TMEM232: variants seen among roughly 807,000 people sequenced by gnomAD.
TMEM232 encodes transmembrane protein 232.
A neutral mutation model predicts 78.8 loss-of-function variants in TMEM232; 80 were observed. The ratio of observed to expected loss-of-function variants is 1.01; its 90% CI spans 0.85 to 1.22. The LOEUF (loss-of-function observed/expected upper bound fraction) is 1.22. Ranked by LOEUF, TMEM232 falls within the 50% of genes most tolerant of loss-of-function variation. The probability of loss-of-function intolerance (pLI) is 0.00; values close to 1 mark genes in which losing one functional copy is unlikely to be tolerated. For synonymous variants in TMEM232, 297 were observed against 254.3 expected, an observed-to-expected ratio of 1.17 and a Z score of -1.60; for missense variants, 881 against 742.2, an observed-to-expected ratio of 1.19 and a Z score of -2.17.
chr5:110,601,633 A>G (rs1457764904), intron 10 of TMEM232, among the ~76,000 whole-genome samples: 1 of 152,198 alleles, frequency 6.6e-6, no homozygotes, highest in Non-Finnish European at 1.5e-5. Flanking sequence ...CCACTGCTCA[A>G]GGAAATAAGA....
At chr5:110,642,003 T>C (rs890585870) in intron 3 of TMEM232, among the ~76,000 whole-genome samples, 13 of 152,254 alleles carry the variant, frequency 8.5e-5, no homozygotes, top group African/African-American at 3.1e-4. Context: ...ATAATTTTCA[T>C]AATCAAAAAT....
At chr5:110,658,259 T>C (rs1310757700) in intron 2 of TMEM232, among the ~76,000 whole-genome samples, 1 of 152,186 alleles carries the variant, frequency 6.6e-6, no homozygotes, top group African/African-American at 2.4e-5. Flanking sequence ...ACATTATAGA[T>C]ATCCAAAGGC....
chr5:110,388,416 A>C (rs1755059987), intron 4 of TMEM232, among the ~76,000 whole-genome samples: 1 of 152,132 alleles, frequency 6.6e-6, no homozygotes, highest in Non-Finnish European at 1.5e-5. Flanking sequence ...TCGCCTGTAC[A>C]AGCTTCCAGT....
intron 1 of TMEM232, among the ~76,000 whole-genome samples, chr5:110,717,358 C>T (rs1439642396): frequency 6.6e-6 from 1 of 152,100 alleles, no homozygotes. Context: ...ACGCCATTTA[C>T]TCTGTTGCTA....
chr5:110,593,970 CATTTTAAAAT>C (rs200756503), intron 10 of TMEM232, among the ~76,000 whole-genome samples: 5,170 of 152,104 alleles, frequency 0.034, 129 homozygotes, highest in African/African-American at 0.066. Context: ...CAAAAGTTGA[CATTTTAAAAT>C]TTTTTAAAAA....
At chr5:110,667,480 G>C (rs1321637184) in intron 1 of TMEM232, 116 bp from the exon 2 acceptor site, 2 of 743,610 alleles carry the variant, frequency 2.7e-6, no homozygotes, top group Non-Finnish European at 4.0e-6. Flanking sequence ...TTAGGCTTAA[G>C]AATAATTCTA....
intron 2 of TMEM232, among the ~76,000 whole-genome samples, chr5:110,401,697 C>A (rs1241364176): frequency 6.6e-6 from 1 of 152,044 alleles, no homozygotes; most frequent in Non-Finnish European, 1.5e-5. Flanking sequence ...AGGTCAAGAG[C>A]AGAATGTATA....
intron 10 of TMEM232, among the ~76,000 whole-genome samples, chr5:110,586,212 T>C (rs1778801764): frequency 6.6e-6 from 1 of 152,150 alleles, no homozygotes; most frequent in South Asian, 2.1e-4. Flanking sequence ...ATTTCCAAAA[T>C]TTCACTTTTA....
intron 10 of TMEM232, among the ~76,000 whole-genome samples, chr5:110,602,207 A>T (rs1781001472): frequency 6.6e-6 from 1 of 152,154 alleles, no homozygotes; most frequent in South Asian, 2.1e-4. Context: ...AAGAAAACCT[A>T]AGCAATACCA....
chr5:110,667,985 A>G (rs1580587031), intron 1 of TMEM232, among the ~76,000 whole-genome samples: 1 of 151,956 alleles, frequency 6.6e-6, no homozygotes, highest in Non-Finnish European at 1.5e-5. Context: ...AAGACATCCT[A>G]TTTGTGTTTA....
At chr5:110,680,278 A>G (rs912050501) in intron 1 of TMEM232, among the ~76,000 whole-genome samples, 3 of 151,746 alleles carry the variant, frequency 2.0e-5, no homozygotes, top group Admixed American at 6.6e-5. Flanking sequence ...CATGCCTGTA[A>G]TCCAGCTACT....
intron 1 of TMEM232, 128 bp from the exon 2 acceptor site, chr5:110,667,492 AT>A (rs1790745235): frequency 1.5e-6 from 1 of 650,908 alleles, no homozygotes; most frequent in African/African-American, 1.9e-5. Flanking sequence ...ATAATTCTAT[AT>A]TAAGGAAGAA....
At chr5:110,654,825 G>A (rs979685921) in intron 2 of TMEM232, among the ~76,000 whole-genome samples, 18 of 152,048 alleles carry the variant, frequency 1.2e-4, no homozygotes, top group Non-Finnish European at 2.4e-4. Context: ...TCATTTCATT[G>A]AGCAGCGGTT....
At chr5:110,631,767 T>C (rs187902841) in intron 5 of TMEM232, among the ~76,000 whole-genome samples, 12 of 152,206 alleles carry the variant, frequency 7.9e-5, no homozygotes, top group Admixed American at 7.9e-4. Context: ...GACTGCATTG[T>C]AGCCATCTCC....
chr5:110,484,745 T>C (rs1478568608), intron 12 of TMEM232, among the ~76,000 whole-genome samples: 2 of 152,024 alleles, frequency 1.3e-5, no homozygotes, highest in African/African-American at 2.4e-5. Context: ...GGTGAACTCG[T>C]CAATATAACA....
intron 12 of TMEM232, among the ~76,000 whole-genome samples, chr5:110,478,897 ATTTTT>A (rs746104997): frequency 0.023 from 2,539 of 111,800 alleles, 52 homozygotes; most frequent in African/African-American, 0.059. Context: ...GGAGAAATTG[ATTTTT>A]TTTTTTTTTT....
chr5:110,401,399 T>A (rs1755589858), intron 2 of TMEM232, among the ~76,000 whole-genome samples: 1 of 151,892 alleles, frequency 6.6e-6, no homozygotes, highest in Non-Finnish European at 1.5e-5. Flanking sequence ...GAACAACATA[T>A]CAAGCCAGGT....
At chr5:110,696,004 A>C (rs1242361209) in intron 1 of TMEM232, among the ~76,000 whole-genome samples, 1 of 152,224 alleles carries the variant, frequency 6.6e-6, no homozygotes, top group Non-Finnish European at 1.5e-5. Context: ...AAACAAAAAA[A>C]GAGAATTTTA....
intron 1 of TMEM232, among the ~76,000 whole-genome samples, chr5:110,679,196 G>A (rs1792404558): frequency 6.6e-6 from 1 of 152,122 alleles, no homozygotes; most frequent in South Asian, 2.1e-4. Context: ...ACGTGGTGTT[G>A]TCAGTGTTCT....
Sources: allele counts gnomAD v4.1 joint callset (sites outside exome capture counted in the v4.1 genomes callset), GRCh38; gene constraint gnomAD v4.1.1; transcripts MANE v1.5; gene names NCBI Gene and HGNC (gene_info 2026-07-23, HGNC 2026-07-21).